RHOH: variants seen among roughly 807,000 people sequenced by gnomAD.
RHOH encodes the protein rho-related GTP-binding protein RhoH.
Under a neutral mutation model 13.8 loss-of-function variants are expected in RHOH, and 6 were observed. The ratio of observed to expected loss-of-function variants is 0.44; its 90% CI spans 0.24 to 0.86. The LOEUF is 0.86. RHOH is among the 40% of genes least tolerant of loss of function. The pLI is 0.24. For synonymous variants in RHOH, 117 were observed against 103.0 expected (o/e 1.14, Z -0.82); for missense variants, 147 against 244.5 (o/e 0.60, Z 2.66).
chr4:40,192,763 G>A (rs376523941), upstream of RHOH, among the ~76,000 whole-genome samples: 104 of 152,270 alleles, frequency 6.8e-4, no homozygotes, highest in African/African-American at 2.4e-3. Flanking sequence ...GCATGTTTAG[G>A]GCCAAGAAAA....
intron 1 of RHOH, among the ~76,000 whole-genome samples, chr4:40,206,057 C>T (rs1442703394): frequency 6.6e-6 from 1 of 152,182 alleles, no homozygotes; most frequent in Non-Finnish European, 1.5e-5. Context: ...CACAAATATT[C>T]CATGTACACC....
At chr4:40,214,920 G>A (rs1480002037) in intron 1 of RHOH, among the ~76,000 whole-genome samples, 5 of 152,122 alleles carry the variant, frequency 3.3e-5, no homozygotes, top group Non-Finnish European at 7.4e-5. Flanking sequence ...GAATACACAG[G>A]CTGTGTTGAT....
At chr4:40,222,423 A>G (rs2381502) in intron 1 of RHOH, among the ~76,000 whole-genome samples, 144,162 of 152,342 alleles carry the variant, frequency 0.95, 68,244 homozygotes, top group Admixed American at 0.96. Flanking sequence ...TAAAGCCAGT[A>G]CTCATTTACC....
chr4:40,196,445 GA>G (rs893034635), upstream of RHOH, among the ~76,000 whole-genome samples: 1 of 152,174 alleles, frequency 6.6e-6, no homozygotes, highest in Non-Finnish European at 1.5e-5. Context: ...TGAGGAGTCT[GA>G]AAAAACAACT....
upstream of RHOH, among the ~76,000 whole-genome samples, chr4:40,192,168 G>A (rs1465816807): frequency 6.6e-6 from 1 of 152,158 alleles, no homozygotes; most frequent in African/African-American, 2.4e-5. Context: ...TAATACAGTT[G>A]TTCATCATCC....
At chr4:40,238,744 G>A (rs1246506734) in intron 1 of RHOH, among the ~76,000 whole-genome samples, 3 of 152,208 alleles carry the variant, frequency 2.0e-5, no homozygotes, top group South Asian at 2.1e-4. Flanking sequence ...GGGCCACTCA[G>A]TGTCATCACC....
At chr4:40,203,997 G>T (rs1286456578) in intron 1 of RHOH, among the ~76,000 whole-genome samples, 1 of 152,134 alleles carries the variant, frequency 6.6e-6, no homozygotes. Flanking sequence ...TATATTTTTT[G>T]ATGAAATGTA....
At chr4:40,203,879 C>T (rs1236814280) in intron 1 of RHOH, among the ~76,000 whole-genome samples, 1 of 152,098 alleles carries the variant, frequency 6.6e-6, no homozygotes, top group African/African-American at 2.4e-5. Context: ...CTATTTCAGG[C>T]CATCGAGCGG....
At chr4:40,193,436 A>C (rs1326840452), upstream of RHOH, among the ~76,000 whole-genome samples, 4 of 125,436 alleles carry the variant, frequency 3.2e-5, no homozygotes, top group Non-Finnish European at 4.7e-5. Flanking sequence ...TCCTCCCCTC[A>C]CCACTACCCC....
chr4:40,198,111 T>C (rs1361268756), intron 1 of RHOH, among the ~76,000 whole-genome samples: 7 of 152,168 alleles, frequency 4.6e-5, no homozygotes, highest in African/African-American at 1.4e-4. Flanking sequence ...TAGGAAGCAA[T>C]GCAAGATGAG....
intron 1 of RHOH, among the ~76,000 whole-genome samples, chr4:40,209,888 T>C (rs758249334): frequency 7.9e-4 from 120 of 152,276 alleles, no homozygotes; most frequent in Admixed American, 1.8e-3. Flanking sequence ...TAAAGGAAAA[T>C]TACCTTGTAT....
chr4:40,209,648 G>A (rs1416188918), intron 1 of RHOH: 1 of 152,260 alleles, frequency 6.6e-6, no homozygotes, highest in Non-Finnish European at 1.5e-5. Context: ...GTTTCACCAT[G>A]TTGCCCAGAC....
chr4:40,194,318 T>C (rs2109329476), upstream of RHOH, among the ~76,000 whole-genome samples: 1 of 152,200 alleles, frequency 6.6e-6, no homozygotes, highest in African/African-American at 2.4e-5. Flanking sequence ...AACCTCTGCC[T>C]ACTGGGTTCA....
intron 1 of RHOH, among the ~76,000 whole-genome samples, chr4:40,216,693 A>G (rs148271795): frequency 2.9e-4 from 44 of 152,324 alleles, no homozygotes; most frequent in African/African-American, 1.0e-3. Context: ...GTTTCTTTGA[A>G]TGTTTTCAGA....
chr4:40,227,555 T>TC (rs1727400888), intron 1 of RHOH, among the ~76,000 whole-genome samples: 2 of 152,188 alleles, frequency 1.3e-5, no homozygotes. Flanking sequence ...GAGTTTTTTT[T>TC]CCGCAGCAGG....
At chr4:40,238,344 C>T (rs1306862334) in intron 1 of RHOH, among the ~76,000 whole-genome samples, 3 of 152,128 alleles carry the variant, frequency 2.0e-5, no homozygotes, top group Non-Finnish European at 4.4e-5. Flanking sequence ...CTGTGGAGGG[C>T]GTCAGGTGGA....
At chr4:40,215,627 C>T (rs1725781684) in intron 1 of RHOH, among the ~76,000 whole-genome samples, 1 of 152,196 alleles carries the variant, frequency 6.6e-6, no homozygotes, top group Non-Finnish European at 1.5e-5. Flanking sequence ...GGGGTTCTGG[C>T]TAAAATATAT....
chr4:40,212,697 A>T (rs1449276327), intron 1 of RHOH: 1 of 152,246 alleles, frequency 6.6e-6, no homozygotes, highest in Non-Finnish European at 1.5e-5. Flanking sequence ...ACCAAACCTC[A>T]AGAGAAAGGG....
upstream of RHOH, among the ~76,000 whole-genome samples, chr4:40,195,401 CCTTCCTTCCTT>C (rs764368781): frequency 2.5e-3 from 352 of 142,610 alleles, no homozygotes; most frequent in East Asian, 0.021. Flanking sequence ...TTCCTTCCTT[CCTTCCTTCCTT>C]CCTTCCCTCC....
Sources: allele counts gnomAD v4.1 joint callset (sites outside exome capture counted in the v4.1 genomes callset), GRCh38; gene constraint gnomAD v4.1.1; transcripts MANE v1.5; gene names NCBI Gene and HGNC (gene_info 2026-07-23, HGNC 2026-07-21).